Variants in PCMTD2 observed in about 807,000 individuals in gnomAD.
PCMTD2 encodes the protein protein-L-isoaspartate O-methyltransferase domain-containing protein 2.
PCMTD2 carries 16 observed loss-of-function variants against 33.4 expected under a neutral mutation model. The ratio of observed to expected loss-of-function variants is 0.48; its 90% CI spans 0.32 to 0.73. The LOEUF (loss-of-function observed/expected upper bound fraction) is 0.73, where lower values mean the gene tolerates loss of function less well. Ranked by LOEUF, PCMTD2 falls within the 30% of genes least tolerant of loss-of-function variation. The pLI is 0.03. For missense variants in PCMTD2, 374 were observed against 449.9 expected (o/e 0.83, Z 1.53); for synonymous variants, 161 against 160.8 (o/e 1.00, Z -0.01).
chr20:64,259,709 A>G (rs916338971), intron 1 of PCMTD2: 2 of 513,920 alleles, frequency 3.9e-6, no homozygotes, highest in Non-Finnish European at 6.8e-6. Context: ...ATTTCAAATA[A>G]ACGTCAAATA....
chr20:64,272,507 A>G (rs548963771), intron 5 of PCMTD2, among the ~76,000 whole-genome samples: 13 of 152,370 alleles, frequency 8.5e-5, no homozygotes, highest in African/African-American at 3.1e-4. Flanking sequence ...GTAAATAACT[A>G]TGAAAATATT....
In PCMTD2 at chr20:64,275,753, CT is replaced by C. The variant is rs1986075353; in HGVS notation, c.*2155del. The C allele has an allele frequency of 6.6e-6, 1 of 152,146 alleles. No individual in the cohort carries two copies. Among genetic ancestry groups the C allele is most frequent in the Non-Finnish European group, 1.5e-5 (1 of 68,006 alleles). 9.4% of individuals were successfully genotyped at this position (152,146 alleles called of 1,614,324 possible). The stretch of plus-strand genomic sequence containing the variant: ...AGTCTGTATTATCTGTAAGATCTGT[CT>C]TGTAAACCACATTCTTGACAACTAT... On this transcript the variant is annotated 3_prime_UTR_variant, in exon 6 of 6. Transcript: ENST00000308824.
intron 2 of PCMTD2, among the ~76,000 whole-genome samples, chr20:64,261,158 G>A (rs1426619252): frequency 2.0e-5 from 3 of 152,110 alleles, no homozygotes; most frequent in Non-Finnish European, 4.4e-5. Context: ...GATAACTAAG[G>A]AAAAACATCA....
chr20:64,261,215 C>G (rs1985401165), intron 2 of PCMTD2, among the ~76,000 whole-genome samples: 1 of 152,108 alleles, frequency 6.6e-6, no homozygotes, highest in Admixed American at 6.5e-5. Flanking sequence ...CTGTTTTTAA[C>G]TCAGTAGGGT....
intron 5 of PCMTD2, chr20:64,272,376 C>T (rs11907696): frequency 0.2 from 58,244 of 288,050 alleles, 7,904 homozygotes; most frequent in African/African-American, 0.45. Flanking sequence ...TGCATGAAAT[C>T]GTGAGCTTTA....
intron 1 of PCMTD2, among the ~76,000 whole-genome samples, chr20:64,259,060 A>T (rs978668417): frequency 6.6e-6 from 1 of 152,202 alleles, no homozygotes; most frequent in African/African-American, 2.4e-5. Flanking sequence ...AGGTAAGACA[A>T]GTAGTTGTTA....
rs777784738 is a variant in PCMTD2 at position 64,265,438 on chromosome 20, C to T, written c.582+9C>T. The T allele has an allele frequency of 1.9e-6, 3 of 1,600,648 alleles. No homozygotes were observed. The African/African-American group carries it at 4.0e-5, about 21-fold the overall frequency. Reference sequence around the variant, plus strand: ...TGCCACTGGAAGAGAAGGTCAGATTCCCTTCATAACTGACATTTCTGCACA... The same window carrying T: ...TGCCACTGGAAGAGAAGGTCAGATTTCCTTCATAACTGACATTTCTGCACA... On this transcript the variant is annotated intron_variant, in intron 4 of 5. Transcript: ENST00000308824.
At chr20:64,256,290 C>T (rs1327215994) in intron 1 of PCMTD2, among the ~76,000 whole-genome samples, 1 of 152,170 alleles carries the variant, frequency 6.6e-6, no homozygotes, top group Non-Finnish European at 1.5e-5. Flanking sequence ...CCCCCCCGCC[C>T]CGTGCCTTGG....
At chr20:64,268,046 G>A in intron 5 of PCMTD2, 36 bp downstream of exon 5, 1 of 1,485,722 alleles carries the variant, frequency 6.7e-7, no homozygotes, top group South Asian at 1.3e-5. Context: ...TTATCTTTTA[G>A]ATCTTTTCTC....
Position 64,264,514 on chromosome 20 carries a change from A to G in PCMTD2, c.393A>G (p.Thr131=). 6.4e-7 allele frequency: 1 copy of G among 1,562,786 alleles called. No individual in the cohort carries two copies. The highest frequency in any genetic ancestry group is 8.8e-7 in the Non-Finnish European group (1 of 1,133,292). The change falls in exon 3 of 6, where the codon ACA becomes ACG. Residue 131 remains threonine, a synonymous_variant. Transcript: ENST00000308824. ...AKQKLDFFIR[T]SDSFDKFDFC... ...AGAAACTGGACTTCTTCATCAGAAC[A>G]AGTGATAGTTTTGACAAGTAAGATG... is the stretch of plus-strand genomic sequence containing the variant.
chr20:64,262,179 G>A (rs1985447935), intron 2 of PCMTD2, among the ~76,000 whole-genome samples: 1 of 151,994 alleles, frequency 6.6e-6, no homozygotes, highest in African/African-American at 2.4e-5. Flanking sequence ...ACTTGAACCT[G>A]GGAGGCGAAG....
chr20:64,267,757 T>A, intron 4 of PCMTD2, 130 bp from the exon 5 acceptor site: 1 of 718,248 alleles, frequency 1.4e-6, no homozygotes, highest in Non-Finnish European at 2.3e-6. Flanking sequence ...ACATTAGGGG[T>A]CCGTATGTCA....
At chr20:64,270,485 T>C (rs1985868348) in intron 5 of PCMTD2, among the ~76,000 whole-genome samples, 1 of 147,854 alleles carries the variant, frequency 6.8e-6, no homozygotes, top group Admixed American at 6.7e-5. Flanking sequence ...AATGCGGGCG[T>C]GCATGGTGTG....
intron 1 of PCMTD2, 36 bp from the exon 2 acceptor site, chr20:64,259,906 A>G: frequency 9.6e-7 from 1 of 1,044,770 alleles, no homozygotes; most frequent in Non-Finnish European, 1.5e-6. Context: ...CTTACCTTTA[A>G]CATAAATCGC....
At chr20:64,258,807 A>C (rs761912577) in intron 1 of PCMTD2, 1 of 152,196 alleles carries the variant, frequency 6.6e-6, no homozygotes, top group Non-Finnish European at 1.5e-5. Context: ...TTCCCTGACA[A>C]TTTGTATCTG....
At position 64,273,848 on chromosome 20, in the gene PCMTD2, A is replaced by G; in HGVS notation, c.*248A>G. 1 of 373,596 alleles carries G rather than the reference A, an allele frequency of 2.7e-6. No homozygotes were observed. The highest frequency in any genetic ancestry group is 4.8e-6 in the Non-Finnish European group (1 of 209,282). 23.1% of individuals were successfully genotyped at this position (373,596 alleles called of 1,614,324 possible). On this transcript the variant is annotated 3_prime_UTR_variant, in exon 6 of 6. Coordinates refer to ENST00000308824, the MANE Select transcript of PCMTD2 (RefSeq NM_018257.3). ...AGATTGTTTTCCCAAAGTGGAGAGAATCTTCATAGAGAAAAAGAGAAGGCT... is the reference window on the plus strand; with the variant it reads ...AGATTGTTTTCCCAAAGTGGAGAGAGTCTTCATAGAGAAAAAGAGAAGGCT...
rs762334161 is a variant in PCMTD2 at position 64,264,447 on chromosome 20, A to G, written c.326A>G (p.His109Arg). The G allele has an allele frequency of 1.9e-6, 3 of 1,592,082 alleles. No individual in the cohort carries two copies. The highest frequency in any genetic ancestry group is 2.2e-5 in the East Asian group (1 of 44,750). Residue 109 changes from histidine (H) to arginine (R), a missense_variant, in exon 3 of 6, where the codon CAT becomes CGT. By Grantham distance (29) the His-to-Arg change is conservative (BLOSUM62 0). Coordinates refer to ENST00000308824, the MANE Select transcript of PCMTD2 (RefSeq NM_018257.3). ...CTTTTAGGTCCTTTTGGTGTGAACCATGGGGTGGAACTTCACTCAGATGTG... is the reference window on the plus strand; with the variant it reads ...CTTTTAGGTCCTTTTGGTGTGAACCGTGGGGTGGAACTTCACTCAGATGTG... ...GLILGPFGVN[H>R]GVELHSDVIE...
chr20:64,272,689 G>A (rs183163354), intron 5 of PCMTD2, among the ~76,000 whole-genome samples: 48 of 152,270 alleles, frequency 3.2e-4, no homozygotes, highest in African/African-American at 1.1e-3. Context: ...GCGTGGTGGC[G>A]CATGCCTGTA....
At chr20:64,271,341 ATGTGAGGTGTT>A (rs1348210143) in intron 5 of PCMTD2, 27 of 1,932 alleles carry the variant, frequency 0.014, 10 homozygotes, top group Non-Finnish European at 0.024. Context: ...GAGGAAGGGC[ATGTGAGGTGTT>A]CGTTGTGAGA....
Sources: allele counts gnomAD v4.1 joint callset (sites outside exome capture counted in the v4.1 genomes callset), GRCh38; gene constraint gnomAD v4.1.1; transcripts MANE v1.5; gene names NCBI Gene and HGNC (gene_info 2026-07-23, HGNC 2026-07-21).